ADAM10: variants seen among roughly 807,000 people sequenced by gnomAD.
ADAM10 encodes disintegrin and metalloproteinase domain-containing protein 10.
In ADAM10, 17 loss-of-function variants were observed where a neutral mutation model predicts 90.1. The ratio of observed to expected loss-of-function variants is 0.19; its 90% CI spans 0.13 to 0.28. ADAM10 has a LOEUF of 0.28. ADAM10 is among the 10% of genes least tolerant of loss of function. ADAM10 has a pLI of 1.00. For missense variants in ADAM10, 610 were observed against 914.3 expected, an observed-to-expected ratio of 0.67 and a Z score of 4.29; for synonymous variants, 310 against 298.6, an observed-to-expected ratio of 1.04 and a Z score of -0.40.
At chr15:58,701,004 TAAAAAAAAACAAAAAAACAAAA>T (rs1898116004) in intron 2 of ADAM10, among the ~76,000 whole-genome samples, 1 of 56,960 alleles carries the variant, frequency 1.8e-5, no homozygotes, top group African/African-American at 5.7e-5. Context: ...AATTCCAACT[TAAAAAAAAACAAAAAAACAAAA>T]AAAAAAAAAC....
intron 2 of ADAM10, chr15:58,692,394 CTTCT>C (rs1483937340): frequency 5.2e-6 from 3 of 578,902 alleles, no homozygotes; most frequent in Non-Finnish European, 1.0e-5. Flanking sequence ...TCTCCTTGAT[CTTCT>C]TTGTTTTCTT....
chr15:58,693,297 T>C (rs1897883264), intron 2 of ADAM10, among the ~76,000 whole-genome samples: 1 of 152,230 alleles, frequency 6.6e-6, no homozygotes, highest in African/African-American at 2.4e-5. Context: ...CAAGAGCTAA[T>C]TCTTTATACT....
intron 8 of ADAM10, among the ~76,000 whole-genome samples, chr15:58,637,206 A>T (rs1281970421): frequency 6.6e-6 from 1 of 152,242 alleles, no homozygotes; most frequent in Non-Finnish European, 1.5e-5. Flanking sequence ...AAGAAAACAG[A>T]AGAGACTATT....
At chr15:58,690,994 C>A in intron 2 of ADAM10, 4 of 488,264 alleles carry the variant, frequency 8.2e-6, no homozygotes, top group Non-Finnish European at 1.6e-5. Flanking sequence ...AGTGTCTCCA[C>A]AATGGGGTGG....
At chr15:58,601,273 C>T (rs1193370042) in intron 14 of ADAM10, among the ~76,000 whole-genome samples, 12 of 151,998 alleles carry the variant, frequency 7.9e-5, no homozygotes, top group African/African-American at 2.4e-4. Flanking sequence ...ACTAGCCAGG[C>T]CCACATGGTG....
intron 2 of ADAM10, among the ~76,000 whole-genome samples, chr15:58,700,056 A>C (rs556558685): frequency 1.3e-5 from 2 of 152,316 alleles, no homozygotes; most frequent in East Asian, 3.9e-4. Context: ...GAGTAGCTAA[A>C]TATATATGCA....
intron 9 of ADAM10, among the ~76,000 whole-genome samples, chr15:58,632,514 A>T (rs548883902): frequency 1.4e-4 from 21 of 152,242 alleles, no homozygotes; most frequent in Non-Finnish European, 1.6e-4. Context: ...TGTAAAAGCA[A>T]CAAAGACTGT....
intron 1 of ADAM10, among the ~76,000 whole-genome samples, chr15:58,738,154 A>G (rs1899491058): frequency 6.6e-6 from 1 of 152,222 alleles, no homozygotes; most frequent in South Asian, 2.1e-4. Context: ...TCACTTGCAT[A>G]ATTTCAAAAT....
At chr15:58,730,008 A>AACAAC (rs1555422740) in intron 1 of ADAM10, among the ~76,000 whole-genome samples, 5 of 141,534 alleles carry the variant, frequency 3.5e-5, no homozygotes, top group Non-Finnish European at 1.5e-5. Context: ...ACAAACAAAA[A>AACAAC]AAAAAACTCA....
At chr15:58,743,564 C>T (rs140807473) in intron 1 of ADAM10, among the ~76,000 whole-genome samples, 1 of 152,208 alleles carries the variant, frequency 6.6e-6, no homozygotes, top group African/African-American at 2.4e-5. Flanking sequence ...GTACCATAAG[C>T]CCCTGTCATC....
intron 1 of ADAM10, among the ~76,000 whole-genome samples, chr15:58,746,974 C>A (rs1303310735): frequency 6.6e-6 from 1 of 152,094 alleles, no homozygotes; most frequent in Admixed American, 6.6e-5. Flanking sequence ...GGTCAAGTTT[C>A]CAGAAAACTT....
intron 2 of ADAM10, among the ~76,000 whole-genome samples, chr15:58,707,096 A>AT (rs1898323764): frequency 6.6e-6 from 1 of 150,424 alleles, no homozygotes; most frequent in Non-Finnish European, 1.5e-5. Context: ...GGGGGAAAAA[A>AT]GCTCAGCCAG....
chr15:58,732,904 A>C (rs1428804679), intron 1 of ADAM10: 2 of 153,282 alleles, frequency 1.3e-5, no homozygotes, highest in Non-Finnish European at 2.9e-5. Flanking sequence ...TAAGTGTTGT[A>C]AATGTGGAAA....
At chr15:58,625,512 T>C (rs1895910705) in intron 10 of ADAM10, among the ~76,000 whole-genome samples, 1 of 152,090 alleles carries the variant, frequency 6.6e-6, no homozygotes, top group Non-Finnish European at 1.5e-5. Flanking sequence ...CTCCAAATGG[T>C]TGTGAACATG....
At chr15:58,673,761 G>A (rs1897251336) in intron 4 of ADAM10, among the ~76,000 whole-genome samples, 1 of 150,114 alleles carries the variant, frequency 6.7e-6, no homozygotes, top group Non-Finnish European at 1.5e-5. Context: ...CTGAGACAGA[G>A]TCTCACTCTG....
In ADAM10 at chr15:58,595,945, A is replaced by C. The variant is rs1175198015; in HGVS notation, c.*1602T>G. ...CATGTACAAAATTTGTCTCTAAATC[A>C]TGTACAAAAAGCTGTATTTTGAAAA... On this transcript the variant is annotated 3_prime_UTR_variant, in exon 16 of 16. Coordinates refer to ENST00000260408, the MANE Select transcript of ADAM10 (RefSeq NM_001110.4). The C allele has an allele frequency of 6.6e-6, 1 of 152,144 alleles. No individual in the cohort carries two copies. The allele number at this position is 152,144 out of a possible 1,614,324, so 9.4% of individuals were successfully genotyped here.
At chr15:58,633,592 C>T (rs1158039936) in intron 8 of ADAM10, among the ~76,000 whole-genome samples, 3 of 152,138 alleles carry the variant, frequency 2.0e-5, no homozygotes, top group Non-Finnish European at 4.4e-5. Context: ...ACAGCCTTTA[C>T]AAAATGTTCT....
chr15:58,697,570 C>A (rs1056837843), intron 2 of ADAM10, among the ~76,000 whole-genome samples: 5 of 152,192 alleles, frequency 3.3e-5, no homozygotes, highest in African/African-American at 1.2e-4. Context: ...CACCTGCAGG[C>A]CTGGAGACTG....
intron 4 of ADAM10, among the ~76,000 whole-genome samples, chr15:58,665,505 A>G (rs1897058081): frequency 6.6e-6 from 1 of 152,100 alleles, no homozygotes; most frequent in Non-Finnish European, 1.5e-5. Context: ...GGCTGTCACC[A>G]AGAGAATATC....
Sources: allele counts gnomAD v4.1 joint callset (sites outside exome capture counted in the v4.1 genomes callset), GRCh38; gene constraint gnomAD v4.1.1; transcripts MANE v1.5; gene names NCBI Gene and HGNC (gene_info 2026-07-23, HGNC 2026-07-21).